The following SCLT1 variants were observed in gnomAD, a reference collection of about 807,000 sequenced individuals.
SCLT1 encodes the protein sodium channel-associated protein 1.
In SCLT1, 78 loss-of-function variants were observed where a neutral mutation model predicts 112.8. The observed-to-expected ratio is 0.69, with a 90% CI of 0.58 to 0.83. SCLT1 has a LOEUF of 0.83. Ranked by LOEUF, SCLT1 falls within the 40% of genes least tolerant of loss-of-function variation. SCLT1 has a pLI of 0.00. For synonymous variants in SCLT1, 257 were observed against 254.7 expected (o/e 1.01, Z -0.09); for missense variants, 747 against 770.4 (o/e 0.97, Z 0.36).
At chr4:128,893,148 A>G (rs1294359264) in intron 18 of SCLT1, among the ~76,000 whole-genome samples, 1 of 151,988 alleles carries the variant, frequency 6.6e-6, no homozygotes, top group African/African-American at 2.4e-5. Context: ...CAGTTTACAC[A>G]AAACCTTTTC....
At chr4:128,972,680 C>A (rs1390436202) in intron 9 of SCLT1, among the ~76,000 whole-genome samples, 6 of 152,158 alleles carry the variant, frequency 3.9e-5, no homozygotes, top group Non-Finnish European at 4.4e-5. Flanking sequence ...TCTAAGTTGT[C>A]TTTCAATTGT....
At chr4:129,067,845 T>TA (rs1219748476) in intron 2 of SCLT1, among the ~76,000 whole-genome samples, 2 of 151,150 alleles carry the variant, frequency 1.3e-5, no homozygotes, top group South Asian at 2.1e-4. Context: ...TTTTTTTTTT[T>TA]AAATGTTATT....
At chr4:129,021,593 T>C (rs906032913) in intron 5 of SCLT1, among the ~76,000 whole-genome samples, 2 of 152,176 alleles carry the variant, frequency 1.3e-5, no homozygotes, top group Admixed American at 1.3e-4. Flanking sequence ...CGTGGCAAAG[T>C]GGCTGTGGCC....
intron 12 of SCLT1, among the ~76,000 whole-genome samples, chr4:128,959,351 ATTAG>A (rs541560654): frequency 9.2e-5 from 14 of 152,102 alleles, no homozygotes; most frequent in African/African-American, 2.9e-4. Context: ...GGGGATGAAG[ATTAG>A]TTACGCAGCA....
intron 5 of SCLT1, chr4:129,037,670 A>T (rs183989377): frequency 1.3e-5 from 2 of 152,280 alleles, no homozygotes; most frequent in East Asian, 3.9e-4. Context: ...CTTAAATGTA[A>T]GTGAATTAAA....
At chr4:129,059,870 T>C (rs1381395275) in intron 2 of SCLT1, among the ~76,000 whole-genome samples, 1 of 152,176 alleles carries the variant, frequency 6.6e-6, no homozygotes, top group East Asian at 1.9e-4. Context: ...TTGAACTTCC[T>C]GGATCCAGAT....
At chr4:129,061,662 G>A (rs994871241) in intron 2 of SCLT1, among the ~76,000 whole-genome samples, 5 of 152,056 alleles carry the variant, frequency 3.3e-5, no homozygotes, top group Admixed American at 6.6e-5. Flanking sequence ...GGTGGTGGGG[G>A]CGTGGATGGG....
chr4:128,944,230 T>C (rs1041817296), intron 16 of SCLT1, among the ~76,000 whole-genome samples: 1 of 152,170 alleles, frequency 6.6e-6, no homozygotes, highest in Non-Finnish European at 1.5e-5. Flanking sequence ...TGTCTAAACC[T>C]AGGCTGATAA....
intron 18 of SCLT1, among the ~76,000 whole-genome samples, chr4:128,897,542 C>A (rs1294046900): frequency 1.3e-5 from 2 of 148,916 alleles, no homozygotes; most frequent in Non-Finnish European, 3.0e-5. Flanking sequence ...TGGAAAGGAA[C>A]AACCGGTACC....
chr4:129,040,260 G>A, intron 4 of SCLT1: 2 of 702,502 alleles, frequency 2.8e-6, no homozygotes, highest in South Asian at 3.0e-5. Context: ...CCAGATAATT[G>A]AGCACTGACC....
intron 10 of SCLT1, among the ~76,000 whole-genome samples, chr4:128,967,087 T>C (rs1412312292): frequency 6.6e-6 from 1 of 152,166 alleles, no homozygotes; most frequent in East Asian, 1.9e-4. Context: ...TAGCTCCCAC[T>C]TGTAAGTGAG....
intron 20 of SCLT1, among the ~76,000 whole-genome samples, chr4:128,888,076 G>C (rs965820798): frequency 7.2e-5 from 11 of 152,138 alleles, no homozygotes; most frequent in Non-Finnish European, 1.5e-4. Flanking sequence ...GCTACATACA[G>C]CTATTGAGCA....
intron 5 of SCLT1, among the ~76,000 whole-genome samples, chr4:129,025,286 G>A (rs1447741036): frequency 1.3e-5 from 2 of 152,296 alleles, no homozygotes; most frequent in Non-Finnish European, 1.5e-5. Context: ...AAAATGTTAA[G>A]GGCAGCCAGA....
chr4:128,912,824 A>T (rs1159932995), intron 18 of SCLT1, among the ~76,000 whole-genome samples: 1 of 152,110 alleles, frequency 6.6e-6, no homozygotes, highest in Non-Finnish European at 1.5e-5. Flanking sequence ...TGGGCAGAAA[A>T]GGAGGTAAGC....
Position 129,014,599 on chromosome 4 carries a change from C to A in SCLT1, c.291-10723G>T, listed in dbSNP as rs1185533012. 3.9e-5 allele frequency among the ~76,000 whole-genome samples: 6 copies of A among 152,332 alleles called. No individual in the cohort carries two copies. In the East Asian group the frequency reaches 1.2e-3, roughly 29 times the overall value. The stretch of plus-strand genomic sequence containing the variant: ...GGGACCAATGCTCAGCTCCTGACTT[C>A]TGGACTGTATGCTCTAACCCTGGGG... On this transcript the variant is annotated intron_variant, in intron 5 of 20. Coordinates refer to ENST00000281142, the MANE Select transcript of SCLT1 (RefSeq NM_144643.4).
intron 9 of SCLT1, chr4:128,970,814 T>A (rs1740626791): frequency 5.6e-6 from 1 of 177,588 alleles, no homozygotes; most frequent in Non-Finnish European, 1.2e-5. Context: ...AAGAAGAATA[T>A]ACTTATGTCT....
At chr4:128,939,278 T>C (rs768010173) in intron 17 of SCLT1, among the ~76,000 whole-genome samples, 33 of 152,218 alleles carry the variant, frequency 2.2e-4, no homozygotes, top group Non-Finnish European at 2.6e-4. Flanking sequence ...TCTTTCTGCT[T>C]ACCTATTTCA....
At chr4:128,982,817 T>C (rs1451338921) in intron 9 of SCLT1, among the ~76,000 whole-genome samples, 4 of 152,084 alleles carry the variant, frequency 2.6e-5, no homozygotes, top group Admixed American at 2.6e-4. Context: ...AAATTATTTT[T>C]AACAAATATT....
At chr4:129,016,505 A>C in intron 5 of SCLT1, among the ~76,000 whole-genome samples, 1 of 152,200 alleles carries the variant, frequency 6.6e-6, no homozygotes. Flanking sequence ...TGATTCTTTT[A>C]AAATGTTACC....
Sources: gnomAD v4.1 joint callset for allele counts (sites outside exome capture counted in the v4.1 genomes callset) on GRCh38, gnomAD v4.1.1 for gene constraint, MANE v1.5 for transcripts, NCBI Gene and HGNC (gene_info 2026-07-23, HGNC 2026-07-21) for gene names.